Variants in RORA observed in about 807,000 individuals in gnomAD.
The protein encoded by RORA is nuclear receptor ROR-alpha.
In RORA, 7 loss-of-function variants were observed where a neutral mutation model predicts 69.5. That is an observed-to-expected ratio of 0.10 (90% CI 0.06 to 0.19). RORA has a LOEUF of 0.19. Ranked by LOEUF, RORA falls within the 10% of genes least tolerant of loss-of-function variation. The pLI is 1.00. For missense variants in RORA, 457 were observed against 663.0 expected (o/e 0.69, Z 3.41); for synonymous variants, 261 against 240.8 (o/e 1.08, Z -0.78).
At chr15:61,045,394 C>T (rs750422387) in intron 1 of RORA, among the ~76,000 whole-genome samples, 1 of 152,174 alleles carries the variant, frequency 6.6e-6, no homozygotes, top group Non-Finnish European at 1.5e-5. Context: ...CACTCAGTCT[C>T]GGGAATACCT....
intron 1 of RORA, among the ~76,000 whole-genome samples, chr15:60,852,755 A>C (rs2073339614): frequency 1.3e-5 from 2 of 152,208 alleles, no homozygotes; most frequent in South Asian, 4.1e-4. Flanking sequence ...AGTATCATCA[A>C]GGACAAGGAC....
chr15:60,855,678 T>C (rs950774291), intron 1 of RORA, among the ~76,000 whole-genome samples: 4 of 152,230 alleles, frequency 2.6e-5, no homozygotes, highest in Non-Finnish European at 5.9e-5. Context: ...GATTTTGCGG[T>C]GGTGCAATCT....
chr15:61,145,745 T>C (rs1015470988), intron 1 of RORA, among the ~76,000 whole-genome samples: 4 of 152,322 alleles, frequency 2.6e-5, no homozygotes, highest in Admixed American at 2.6e-4. Flanking sequence ...TGCCTCAGTC[T>C]TCCTCTTTGA....
At chr15:60,904,406 A>G (rs1436107872) in intron 1 of RORA, among the ~76,000 whole-genome samples, 2 of 152,210 alleles carry the variant, frequency 1.3e-5, no homozygotes, top group Non-Finnish European at 2.9e-5. Context: ...ATAGACAAGT[A>G]TGATGGCTTG....
chr15:60,796,946 C>T lies in RORA; in HGVS notation c.167-118260G>A, dbSNP rs185348523. On this transcript the variant is annotated intron_variant, in intron 1 of 10. Coordinates refer to ENST00000335670, the MANE Select transcript of RORA (RefSeq NM_134261.3). ...GAAAGAAGCCAGTCACAAAAGGCCACATAATATATTATTCCATTTATACAA... is the reference window on the plus strand; with the variant it reads ...GAAAGAAGCCAGTCACAAAAGGCCATATAATATATTATTCCATTTATACAA... Among the ~76,000 whole-genome samples the T allele has an allele frequency of 8.1e-4, 122 of 150,962 alleles. 3 individuals are homozygous for T. In the East Asian group the frequency reaches 0.02, roughly 25 times the overall value.
At chr15:60,993,456 T>C (rs1894441540) in intron 1 of RORA, among the ~76,000 whole-genome samples, 1 of 151,988 alleles carries the variant, frequency 6.6e-6, no homozygotes, top group Non-Finnish European at 1.5e-5. Context: ...CTGGCCAACA[T>C]GGTGAAACCC....
intron 1 of RORA, among the ~76,000 whole-genome samples, chr15:61,121,662 C>G (rs1191455155): frequency 6.6e-6 from 1 of 152,070 alleles, no homozygotes; most frequent in Non-Finnish European, 1.5e-5. Context: ...GAGCTGCCTG[C>G]AATCCAGACT....
rs778979144 is a variant in RORA at position 60,905,632 on chromosome 15, T to C, written c.167-226946A>G. ...TAAATAGCTCTAAAAGTGAAGGAAG[T>C]GATAAAGCCCTCAAGAGCGTCTGTA... On this transcript the variant is annotated intron_variant, in intron 1 of 10. Coordinates refer to ENST00000335670, the MANE Select transcript of RORA (RefSeq NM_134261.3). The surrounding 1 kb of genome is among the most constrained non-coding windows in gnomAD (Gnocchi z 4.8). Among the ~76,000 whole-genome samples the C allele has an allele frequency of 2.0e-4, 30 of 152,196 alleles. 1 individual carries two copies. The highest frequency in any genetic ancestry group is 3.2e-4 in the Non-Finnish European group (22 of 68,038).
intron 2 of RORA, among the ~76,000 whole-genome samples, chr15:60,609,324 C>T (rs557996935): frequency 2.6e-5 from 4 of 152,176 alleles, no homozygotes; most frequent in African/African-American, 7.2e-5. Context: ...TGAATTAAAA[C>T]GTGAAATACT....
At chr15:61,030,936 T>C (rs1346214294) in intron 1 of RORA, among the ~76,000 whole-genome samples, 3 of 152,204 alleles carry the variant, frequency 2.0e-5, no homozygotes, top group Non-Finnish European at 2.9e-5. Flanking sequence ...TATATGTGTG[T>C]ATAAAAAATA....
chr15:60,821,937 A>G (rs1013172355), intron 1 of RORA, among the ~76,000 whole-genome samples: 8 of 152,236 alleles, frequency 5.3e-5, no homozygotes, highest in African/African-American at 1.9e-4. Context: ...CCTGAGCCTC[A>G]TACTAAAAAC....
At chr15:60,895,477 CAG>C (rs944506644) in intron 1 of RORA, among the ~76,000 whole-genome samples, 1 of 152,178 alleles carries the variant, frequency 6.6e-6, no homozygotes, top group African/African-American at 2.4e-5. Context: ...AATCCTCCGT[CAG>C]AGAGATTTTT....
chr15:60,762,191 A>G (rs1199860102), intron 1 of RORA, among the ~76,000 whole-genome samples: 3 of 152,222 alleles, frequency 2.0e-5, no homozygotes, highest in Non-Finnish European at 2.9e-5. Flanking sequence ...TTGGTCTTCA[A>G]CAAAGAATGG....
chr15:60,701,985 G>A (rs2070988548), intron 1 of RORA, among the ~76,000 whole-genome samples: 1 of 152,162 alleles, frequency 6.6e-6, no homozygotes, highest in South Asian at 2.1e-4. Context: ...TAACATGCAG[G>A]AAATGCTCTA....
At chr15:60,795,167 T>C (rs886152851) in intron 1 of RORA, among the ~76,000 whole-genome samples, 6 of 152,162 alleles carry the variant, frequency 3.9e-5, no homozygotes, top group African/African-American at 1.4e-4. Flanking sequence ...AAAGAGTCCT[T>C]ACCTCTGAAG....
rs28719701 is a variant in RORA at position 60,594,294 on chromosome 15, G to A, written c.197-62443C>T. Among the ~76,000 whole-genome samples, 682 of 152,278 alleles carry A rather than the reference G, an allele frequency of 4.5e-3. 9 individuals carry two copies. Among genetic ancestry groups the A allele is most frequent in the African/African-American group, 0.015 (607 of 41,550 alleles). ...CAACTATATCTCCCAATGAGGCAAC[G>A]CCCCTCAGTTACACTGACACCATCA... On this transcript the variant is annotated intron_variant, in intron 2 of 10. Coordinates refer to ENST00000335670, the MANE Select transcript of RORA (RefSeq NM_134261.3).
intron 2 of RORA, among the ~76,000 whole-genome samples, chr15:60,649,979 C>T (rs2070115119): frequency 6.6e-6 from 1 of 152,134 alleles, no homozygotes; most frequent in African/African-American, 2.4e-5. Context: ...TTTCTGTTCA[C>T]ACGTTTTGAG....
intron 1 of RORA, among the ~76,000 whole-genome samples, chr15:60,802,788 G>T (rs1185605551): frequency 1.3e-5 from 2 of 152,072 alleles, no homozygotes; most frequent in Non-Finnish European, 1.5e-5. Context: ...ATCAATTAAG[G>T]TTTTCATTTA....
At chr15:60,671,372 T>A (rs2070469904) in intron 2 of RORA, among the ~76,000 whole-genome samples, 2 of 152,246 alleles carry the variant, frequency 1.3e-5, no homozygotes, top group Admixed American at 1.3e-4. Context: ...AAGTAACCAC[T>A]TTGAACAATT....
Sources: gnomAD v4.1 joint callset for allele counts (sites outside exome capture counted in the v4.1 genomes callset) on GRCh38, gnomAD v4.1.1 for gene constraint, Gnocchi (gnomAD v3.1) non-coding constraint, MANE v1.5 for transcripts, NCBI Gene and HGNC (gene_info 2026-07-23, HGNC 2026-07-21) for gene names.